The following AFG2A variants were observed in gnomAD, a reference collection of about 807,000 sequenced individuals.
The protein encoded by AFG2A is ATPase family gene 2 protein homolog A.
chr4:123,109,522 C>T, the AFG2A span, among the ~76,000 whole-genome samples: 1 of 152,062 alleles, frequency 6.6e-6, no homozygotes, highest in Non-Finnish European at 1.5e-5. Flanking sequence ...CTAAGAAATA[C>T]TCATATGATA....
chr4:123,111,637 C>T, the AFG2A span, among the ~76,000 whole-genome samples: 1 of 149,738 alleles, frequency 6.7e-6, no homozygotes, highest in East Asian at 1.9e-4. Context: ...AGTAAAAGGT[C>T]AGTTATGGTA....
At chr4:122,947,594 T>C in the AFG2A span, 1 of 1,290,658 alleles carries the variant, frequency 7.7e-7, no homozygotes, top group Non-Finnish European at 1.0e-6. Context: ...AGTAGCTTTG[T>C]TTCTAATTAT....
At chr4:122,947,541 A>G in the AFG2A span, 1 of 1,373,220 alleles carries the variant, frequency 7.3e-7, no homozygotes, top group African/African-American at 1.5e-5. Context: ...TCTCCAGTTT[A>G]CTTACATACA....
the AFG2A span, among the ~76,000 whole-genome samples, chr4:123,011,016 A>G: frequency 6.6e-6 from 1 of 152,150 alleles, no homozygotes; most frequent in Non-Finnish European, 1.5e-5. Context: ...GTTTTCTAAT[A>G]CTTTCTTCAC....
chr4:123,184,921 T>G, the AFG2A span, among the ~76,000 whole-genome samples: 2 of 152,224 alleles, frequency 1.3e-5, no homozygotes, highest in Admixed American at 1.3e-4. Context: ...GTTAGCGTGA[T>G]AAATCAAATT....
chr4:122,947,124 G>T, the AFG2A span: 940,147 of 1,082,886 alleles, frequency 0.87, 415,907 homozygotes, highest in East Asian at 0.95. Context: ...GGACTTAGTA[G>T]CCTGGACAGT....
chr4:123,294,030 T>C, the AFG2A span, among the ~76,000 whole-genome samples: 1 of 152,230 alleles, frequency 6.6e-6, no homozygotes, highest in Non-Finnish European at 1.5e-5. Flanking sequence ...CTGAGGAGAA[T>C]TGGTCACCCG....
chr4:123,286,623 A>G, the AFG2A span, among the ~76,000 whole-genome samples: 3 of 152,144 alleles, frequency 2.0e-5, no homozygotes, highest in Non-Finnish European at 4.4e-5. Context: ...ATCTCTCAAC[A>G]TATTTCTGGA....
chr4:123,305,957 A>G, the AFG2A span, among the ~76,000 whole-genome samples: 6 of 152,304 alleles, frequency 3.9e-5, no homozygotes, highest in East Asian at 1.2e-3. Context: ...AGGTAATTAG[A>G]TTTCCCAAGG....
chr4:122,984,502 T>C, the AFG2A span, among the ~76,000 whole-genome samples: 3 of 152,148 alleles, frequency 2.0e-5, no homozygotes, highest in African/African-American at 7.2e-5. Context: ...AGAGGAGTGG[T>C]GAGAGTGAGC....
At chr4:122,942,394 C>T in the AFG2A span, among the ~76,000 whole-genome samples, 1 of 151,788 alleles carries the variant, frequency 6.6e-6, no homozygotes, top group East Asian at 1.9e-4. Context: ...GTATCCATTT[C>T]TTCTAGATTT....
At chr4:123,260,180 C>T in the AFG2A span, 1 of 152,116 alleles carries the variant, frequency 6.6e-6, no homozygotes, top group Non-Finnish European at 1.5e-5. Flanking sequence ...AATTTGCTTA[C>T]TATAGTGGTT....
chr4:123,313,539 G>A, the AFG2A span, among the ~76,000 whole-genome samples: 1 of 152,198 alleles, frequency 6.6e-6, no homozygotes, highest in Non-Finnish European at 1.5e-5. Context: ...ATAGAGACAT[G>A]CATCCTTTGC....
At chr4:123,303,485 G>T in the AFG2A span, among the ~76,000 whole-genome samples, 1 of 152,098 alleles carries the variant, frequency 6.6e-6, no homozygotes, top group African/African-American at 2.4e-5. Flanking sequence ...TAACGTTAAG[G>T]CCGGGCATGG....
chr4:123,231,757 A>G, the AFG2A span, among the ~76,000 whole-genome samples: 1 of 151,954 alleles, frequency 6.6e-6, no homozygotes, highest in Non-Finnish European at 1.5e-5. Flanking sequence ...TTAAATACTT[A>G]AAGGCCATTG....
At chr4:123,056,486 C>T in the AFG2A span, 1 of 1,541,744 alleles carries the variant, frequency 6.5e-7, no homozygotes, top group Non-Finnish European at 8.8e-7. Flanking sequence ...GAGAATCACA[C>T]TTCTGTCCTG....
At chr4:122,924,783 G>A in the AFG2A span, among the ~76,000 whole-genome samples, 3 of 151,988 alleles carry the variant, frequency 2.0e-5, no homozygotes, top group African/African-American at 7.2e-5. Context: ...GCTCTCTGTG[G>A]TGAAGACTTT....
chr4:122,964,222 G>A, the AFG2A span, among the ~76,000 whole-genome samples: 1 of 152,080 alleles, frequency 6.6e-6, no homozygotes, highest in East Asian at 1.9e-4. Context: ...AAGTAATTGC[G>A]GCTGGGCATA....
chr4:123,226,358 T>C, the AFG2A span, among the ~76,000 whole-genome samples: 399 of 152,338 alleles, frequency 2.6e-3, 4 homozygotes, highest in African/African-American at 9.1e-3. Context: ...TTGTCATAGA[T>C]AGCTCTTACT....
Sources: gnomAD v4.1 joint callset for allele counts (sites outside exome capture counted in the v4.1 genomes callset) on GRCh38, gnomAD v4.1.1 for gene constraint, MANE v1.5 for transcripts, NCBI Gene and HGNC (gene_info 2026-07-23, HGNC 2026-07-21) for gene names.